CPXM2: variants seen among roughly 807,000 people sequenced by gnomAD.
CPXM2 encodes the protein carboxypeptidase X, M14 family member 2.
In CPXM2, 66 loss-of-function variants were observed where a neutral mutation model predicts 86.1. That is an observed-to-expected ratio of 0.77 (90% confidence interval 0.63 to 0.94). The LOEUF (loss-of-function observed/expected upper bound fraction) is 0.94, where lower values mean the gene tolerates loss of function less well. Among genes scored for constraint, CPXM2 ranks in the 40% least tolerant of loss-of-function variants. CPXM2 has a pLI of 0.00. For missense variants in CPXM2, 948 were observed against 1,026.3 expected, an observed-to-expected ratio of 0.92 and a Z score of 1.04; for synonymous variants, 388 against 400.2, an observed-to-expected ratio of 0.97 and a Z score of 0.36.
intron 2 of CPXM2, among the ~76,000 whole-genome samples, chr10:123,909,601 A>G (rs1945472225): frequency 6.6e-6 from 1 of 152,164 alleles, no homozygotes; most frequent in South Asian, 2.1e-4. Context: ...TTCTCTTTCC[A>G]TTGTACGGTA....
At chr10:123,797,836 C>T (rs1847367015) in intron 6 of CPXM2, 140 bp downstream of exon 6, 2 of 779,922 alleles carry the variant, frequency 2.6e-6, no homozygotes, top group South Asian at 6.5e-5. Context: ...GATTCTGCCT[C>T]CTCAGCCTCC....
chr10:123,918,568 C>G (rs1331306392), intron 2 of CPXM2, among the ~76,000 whole-genome samples: 1 of 152,154 alleles, frequency 6.6e-6, no homozygotes, highest in Non-Finnish European at 1.5e-5. Context: ...GTTATGTGCA[C>G]AGAATAAGTT....
At chr10:123,864,363 C>T (rs1330842384) in intron 2 of CPXM2, among the ~76,000 whole-genome samples, 1 of 152,172 alleles carries the variant, frequency 6.6e-6, no homozygotes, top group Non-Finnish European at 1.5e-5. Flanking sequence ...TTCACTCTGC[C>T]AGCTGTGGTT....
chr10:123,943,797 G>T (rs769230160), upstream of CPXM2, among the ~76,000 whole-genome samples: 1 of 152,182 alleles, frequency 6.6e-6, no homozygotes. Flanking sequence ...AACACAGTCC[G>T]TCTTGGGCCT....
intron 4 of CPXM2, among the ~76,000 whole-genome samples, chr10:123,832,878 G>T (rs1044586081): frequency 1.3e-5 from 2 of 151,254 alleles, no homozygotes; most frequent in Non-Finnish European, 2.9e-5. Flanking sequence ...CTCATGAATG[G>T]ATTAGCGCTC....
chr10:123,910,040 G>A (rs995209179), intron 2 of CPXM2, among the ~76,000 whole-genome samples: 1 of 152,206 alleles, frequency 6.6e-6, no homozygotes, highest in Non-Finnish European at 1.5e-5. Context: ...CGAACCCACA[G>A]AGACAGTGTA....
At chr10:123,787,504 T>C (rs569830756) in intron 6 of CPXM2, among the ~76,000 whole-genome samples, 2 of 152,284 alleles carry the variant, frequency 1.3e-5, no homozygotes, top group South Asian at 4.1e-4. Context: ...CGGCTAATTT[T>C]TGTATTTTTA....
At chr10:123,795,726 T>C (rs780499589) in intron 6 of CPXM2, among the ~76,000 whole-genome samples, 1 of 152,072 alleles carries the variant, frequency 6.6e-6, no homozygotes, top group Non-Finnish European at 1.5e-5. Context: ...TCCTCAATAT[T>C]TGGGGGGTGG....
chr10:123,873,056 G>T (rs1317206757), intron 2 of CPXM2, among the ~76,000 whole-genome samples: 1 of 152,116 alleles, frequency 6.6e-6, no homozygotes, highest in Non-Finnish European at 1.5e-5. Context: ...ATGAATGGGG[G>T]TCTTTGCCAA....
intron 6 of CPXM2, among the ~76,000 whole-genome samples, chr10:123,795,834 C>T (rs1847325402): frequency 6.6e-6 from 1 of 152,164 alleles, no homozygotes; most frequent in Non-Finnish European, 1.5e-5. Flanking sequence ...CATCTTCAAA[C>T]ACGCACACAC....
chr10:123,761,757 G>A (rs1846343721), intron 11 of CPXM2, 115 bp downstream of exon 11: 14 of 1,017,538 alleles, frequency 1.4e-5, no homozygotes, highest in Admixed American at 4.9e-5. Flanking sequence ...GTGCTCCACC[G>A]TGGCAGCCAC....
chr10:123,794,231 C>T (rs569932643), intron 6 of CPXM2, among the ~76,000 whole-genome samples: 1 of 152,164 alleles, frequency 6.6e-6, no homozygotes, highest in Non-Finnish European at 1.5e-5. Flanking sequence ...CATCTCAGTG[C>T]TGTACAAAGG....
intron 6 of CPXM2, among the ~76,000 whole-genome samples, chr10:123,796,063 T>C (rs868786988): frequency 1.3e-5 from 2 of 152,194 alleles, no homozygotes; most frequent in Admixed American, 6.5e-5. Flanking sequence ...TGAAGATACC[T>C]GTGCCCACAG....
intron 2 of CPXM2, among the ~76,000 whole-genome samples, chr10:123,920,233 G>A (rs566364035): frequency 1.4e-4 from 22 of 152,230 alleles, no homozygotes; most frequent in African/African-American, 4.1e-4. Flanking sequence ...AAAGATTATT[G>A]AAAATTATTT....
At chr10:123,853,579 T>C (rs1848646508) in intron 3 of CPXM2, among the ~76,000 whole-genome samples, 1 of 152,218 alleles carries the variant, frequency 6.6e-6, no homozygotes, top group South Asian at 2.1e-4. Context: ...GTTGTGTTTT[T>C]GTGTTGTTGT....
chr10:123,795,368 C>T (rs924107902), intron 6 of CPXM2, among the ~76,000 whole-genome samples: 2 of 152,012 alleles, frequency 1.3e-5, no homozygotes, highest in South Asian at 2.1e-4. Context: ...GCACCAGCAC[C>T]CTCATCCGCC....
At chr10:123,758,693 A>G (rs1048686844) in intron 11 of CPXM2, among the ~76,000 whole-genome samples, 1 of 152,200 alleles carries the variant, frequency 6.6e-6, no homozygotes, top group Non-Finnish European at 1.5e-5. Flanking sequence ...GGCATGAAGT[A>G]CCAGTGGCTT....
intron 4 of CPXM2, among the ~76,000 whole-genome samples, chr10:123,827,847 A>T (rs1279172482): frequency 6.6e-6 from 1 of 152,204 alleles, no homozygotes; most frequent in African/African-American, 2.4e-5. Flanking sequence ...GTATGATAGT[A>T]AGGGTTCTGT....
intron 1 of CPXM2, among the ~76,000 whole-genome samples, chr10:123,887,842 G>T (rs1056356813): frequency 6.6e-6 from 1 of 152,130 alleles, no homozygotes; most frequent in Non-Finnish European, 1.5e-5. Context: ...TGGGGCCTCA[G>T]TGTACTATTT....
Sources: gnomAD v4.1 joint callset for allele counts (sites outside exome capture counted in the v4.1 genomes callset) on GRCh38, gnomAD v4.1.1 for gene constraint, MANE v1.5 for transcripts, NCBI Gene and HGNC (gene_info 2026-07-23, HGNC 2026-07-21) for gene names.